Variants in WNT3 observed in about 807,000 individuals in gnomAD.
WNT3 encodes the protein proto-oncogene Wnt-3.
Under a neutral mutation model 34.2 loss-of-function variants are expected in WNT3, and 7 were observed. That is an observed-to-expected ratio of 0.20 (90% CI 0.12 to 0.38). WNT3 has a LOEUF of 0.38. Ranked by LOEUF, WNT3 falls within the 10% of genes least tolerant of loss-of-function variation. WNT3 has a pLI of 1.00. For synonymous variants in WNT3, 212 were observed against 211.5 expected (o/e 1.00, Z -0.02); for missense variants, 267 against 499.8 (o/e 0.53, Z 4.44).
In WNT3 at chr17:46,769,888, G is replaced by A. The variant is rs2059348305; in HGVS notation, c.483C>T (p.Asp161=). ...EGWKWGGCSE[D]ADFGVLVSRE... ...TGGACACTAACACGCCGAAGTCAGC[G>A]TCCTCGCTGCAGCCGCCCCACTTCC... is the stretch of plus-strand genomic sequence containing the variant. Residue 161 remains aspartate, a synonymous_variant, in exon 3 of 5, where the codon GAC becomes GAT. Coordinates refer to ENST00000225512, the MANE Select transcript of WNT3 (RefSeq NM_030753.5). 3 of 1,613,494 alleles carry A rather than the reference G, an allele frequency of 1.9e-6. No individual in the cohort carries two copies. Among genetic ancestry groups the A allele is most frequent in the South Asian group, 2.2e-5 (2 of 91,088 alleles).
chr17:46,797,596 G>T (rs2084071398), intron 1 of WNT3, among the ~76,000 whole-genome samples: 1 of 152,224 alleles, frequency 6.6e-6, no homozygotes, highest in South Asian at 2.1e-4. Flanking sequence ...GCATCATCTT[G>T]TAAAGCTCAA....
chr17:46,798,386 C>A (rs1386520450), intron 1 of WNT3, among the ~76,000 whole-genome samples: 3 of 152,174 alleles, frequency 2.0e-5, no homozygotes, highest in Non-Finnish European at 2.9e-5. Flanking sequence ...CTCAGGTTTT[C>A]ATTCTGTCAT....
At chr17:46,817,378 G>C (rs968413795) in intron 1 of WNT3, among the ~76,000 whole-genome samples, 212 of 151,992 alleles carry the variant, frequency 1.4e-3, no homozygotes, top group African/African-American at 4.9e-3. Context: ...ACCTCCCCCC[G>C]CCCAGGCCAA....
chr17:46,769,679 G>A, intron 3 of WNT3, 104 bp downstream of exon 3: 1 of 1,497,036 alleles, frequency 6.7e-7, no homozygotes, highest in East Asian at 2.4e-5. Flanking sequence ...AGGAGCCCGC[G>A]ACCCACAGGG....
chr17:46,787,659 G>A (rs534541782), intron 1 of WNT3, among the ~76,000 whole-genome samples: 2 of 152,324 alleles, frequency 1.3e-5, no homozygotes, highest in Admixed American at 6.5e-5. Flanking sequence ...CAAGATGTAT[G>A]AGATGTAGCC....
At chr17:46,810,164 G>A (rs1218905752) in intron 1 of WNT3, among the ~76,000 whole-genome samples, 21 of 151,688 alleles carry the variant, frequency 1.4e-4, no homozygotes, top group Admixed American at 1.2e-3. Context: ...CCACCACCAC[G>A]CCCAGCTAAT....
At chr17:46,800,172 G>A (rs1235454762) in intron 1 of WNT3, among the ~76,000 whole-genome samples, 22 of 152,032 alleles carry the variant, frequency 1.4e-4, no homozygotes, top group African/African-American at 4.1e-4. Context: ...GTGCAGTGGC[G>A]CGATCTCGGC....
At chr17:46,791,885 GA>G (rs60774303) in intron 1 of WNT3, among the ~76,000 whole-genome samples, 1 of 152,190 alleles carries the variant, frequency 6.6e-6, no homozygotes, top group African/African-American at 2.4e-5. Flanking sequence ...ACAAAACACA[GA>G]AAAATTAGCT....
In WNT3 at chr17:46,779,055, A is replaced by ACT. The variant is rs1268856516; in HGVS notation, c.81-5147_81-5146insAG. 3.0e-3 allele frequency among the ~76,000 whole-genome samples: 228 copies of ACT among 76,718 alleles called. 4 individuals are homozygous for ACT. The East Asian group carries it at 0.041, about 14-fold the overall frequency. 50.3% of individuals were successfully genotyped at this position (76,718 alleles called of 152,430 possible). On this transcript the variant is annotated intron_variant, in intron 1 of 4. Transcript: ENST00000225512. The stretch of plus-strand genomic sequence containing the variant: ...GTTATTCCCCGGTCCCTACCCCATC[A>ACT]CACACACACACACACACACACACAC...
intron 1 of WNT3, among the ~76,000 whole-genome samples, chr17:46,782,352 C>T (rs940424506): frequency 2.0e-5 from 3 of 152,148 alleles, no homozygotes; most frequent in Admixed American, 6.5e-5. Context: ...TCATTTTTCT[C>T]TCCCTGTGGT....
rs1183105106 is a variant in WNT3 at position 46,816,742 on chromosome 17, C to G, written c.80+1776G>C. Among the ~76,000 whole-genome samples the G allele has an allele frequency of 2.0e-5, 3 of 152,206 alleles. No individual in the cohort carries two copies. In the East Asian group the frequency reaches 5.8e-4, roughly 29 times the overall value. ...CTTCTAGTTCATAGGGCCGGAGAGA[C>G]TGGTCTCTCTTCCTCAGTCCCTGCC... is the stretch of plus-strand genomic sequence containing the variant. On this transcript the variant is annotated intron_variant, in intron 1 of 4. Transcript: ENST00000225512.
chr17:46,786,946 T>A (rs1013447880), intron 1 of WNT3, among the ~76,000 whole-genome samples: 5 of 151,628 alleles, frequency 3.3e-5, no homozygotes, highest in African/African-American at 1.2e-4. Context: ...TTTTTCTTTT[T>A]TTTTTTTTTG....
intron 1 of WNT3, among the ~76,000 whole-genome samples, chr17:46,807,348 G>A (rs1332866545): frequency 2.0e-5 from 3 of 152,318 alleles, no homozygotes; most frequent in Non-Finnish European, 1.5e-5. Flanking sequence ...TGGGTGTGGT[G>A]GCGCATGCCT....
intron 1 of WNT3, among the ~76,000 whole-genome samples, chr17:46,787,263 G>T (rs937715431): frequency 1.4e-5 from 2 of 147,666 alleles, no homozygotes; most frequent in African/African-American, 5.0e-5. Flanking sequence ...TTGAAGAAAA[G>T]TCTCCACCTG....
intron 1 of WNT3, among the ~76,000 whole-genome samples, chr17:46,817,621 C>A (rs373048785): frequency 6.9e-6 from 1 of 144,202 alleles, no homozygotes; most frequent in African/African-American, 2.5e-5. Context: ...CCAGGCCCCC[C>A]AGACACGCAC....
intron 1 of WNT3, among the ~76,000 whole-genome samples, chr17:46,813,353 T>C (rs1298287541): frequency 1.3e-5 from 2 of 150,786 alleles, no homozygotes; most frequent in African/African-American, 4.9e-5. Flanking sequence ...CAGGGTCCAT[T>C]GGTATTAAAC....
At position 46,773,650 on chromosome 17, in the gene WNT3, T is replaced by A; in HGVS notation, c.322+18A>T. The A allele has an allele frequency of 1.1e-5, 3 of 273,712 alleles. No individual in the cohort carries two copies. The highest frequency in any genetic ancestry group is 1.7e-5 in the Non-Finnish European group (3 of 176,318). 17.0% of individuals were successfully genotyped at this position (273,712 alleles called of 1,614,324 possible). On this transcript the variant is annotated intron_variant, in intron 2 of 4. Transcript: ENST00000225512. ...CCCCCACCCAGCCCCTCCCCCCCCC[T>A]CAGCCCCAAGGCAGTACCTTTGTCG...
At chr17:46,785,789 G>C (rs891004274) in intron 1 of WNT3, among the ~76,000 whole-genome samples, 1 of 152,098 alleles carries the variant, frequency 6.6e-6, no homozygotes, top group East Asian at 1.9e-4. Flanking sequence ...AAGAGGCTGC[G>C]GGCCCTGTGC....
intron 1 of WNT3, among the ~76,000 whole-genome samples, chr17:46,788,500 A>G (rs1295898953): frequency 1.3e-5 from 2 of 151,770 alleles, no homozygotes; most frequent in African/African-American, 4.8e-5. Context: ...TTCGCTTCTG[A>G]CTCCAGACTT....
Sources: gnomAD v4.1 joint callset for allele counts (sites outside exome capture counted in the v4.1 genomes callset) on GRCh38, gnomAD v4.1.1 for gene constraint, MANE v1.5 for transcripts, NCBI Gene and HGNC (gene_info 2026-07-23, HGNC 2026-07-21) for gene names.